LAMA3: variants seen among roughly 807,000 people sequenced by gnomAD.
LAMA3 encodes laminin subunit alpha 3, also known as laminin subunit alpha-3.
A neutral mutation model predicts 402.0 loss-of-function variants in LAMA3; 281 were observed. The observed-to-expected ratio is 0.70, with a 90% CI of 0.63 to 0.77. LAMA3 has a LOEUF of 0.77. Ranked by LOEUF, LAMA3 falls within the 30% of genes least tolerant of loss-of-function variation. The pLI, the probability that LAMA3 is intolerant of heterozygous loss-of-function variation, is 0.00. For missense variants in LAMA3, 3,840 were observed against 4,215.5 expected, an observed-to-expected ratio of 0.91 and a Z score of 2.47; for synonymous variants, 1,431 against 1,558.4, an observed-to-expected ratio of 0.92 and a Z score of 1.93.
rs1313533968 is a variant in LAMA3 at position 23,901,304 on chromosome 18, G to T, written c.6182G>T (p.Arg2061Ile). The change falls in exon 48 of 75, where the codon AGA becomes ATA. Residue 2061 changes from arginine to isoleucine, a missense_variant. Arg to Ile is a moderately conservative substitution (Grantham distance 97). This residue lies in a region of LAMA3 where 891 missense variants were observed against 857.5 expected (regional missense o/e 1.04). Transcript: ENST00000313654. ...QANGLNQENERALGAIQRQVK... is the reference protein window; with the variant it reads ...QANGLNQENEIALGAIQRQVK... ...AATGGCTTGAACCAAGAAAACGAGA[G>T]AGCTTTGGGAGCCATTCAGGTGAGT... The T allele has an allele frequency of 1.2e-6, 2 of 1,614,068 alleles. No individual in the cohort carries two copies. The highest frequency in any genetic ancestry group is 4.5e-5 in the East Asian group (2 of 44,888).
chr18:23,933,881 G>A lies in LAMA3; in HGVS notation c.8808G>A (p.Met2936Ile), dbSNP rs1318774306. The part of the protein sequence containing the change: ...GCSLNKPPFL[M>I]LLKGSTRFNK... ...GTTTAAACAAACCACCTTTTCTAAT[G>A]TTGCTTAAAGGTTCTACCAGGTTTA... is the stretch of plus-strand genomic sequence containing the variant. Residue 2936 changes from methionine (M) to isoleucine (I), a missense_variant, in exon 67 of 75, where the codon ATG becomes ATA. Met to Ile is a conservative substitution (Grantham distance 10, BLOSUM62 1). Transcript: ENST00000313654. 1 of 1,614,124 alleles carries A rather than the reference G, an allele frequency of 6.2e-7. No homozygotes were observed. Among genetic ancestry groups the A allele is most frequent in the African/African-American group, 1.3e-5 (1 of 75,052 alleles).
At chr18:23,701,315 G>A (rs1418113585) in intron 1 of LAMA3, among the ~76,000 whole-genome samples, 1 of 152,206 alleles carries the variant, frequency 6.6e-6, no homozygotes, top group Admixed American at 6.5e-5. Context: ...CATGAGTGGA[G>A]CTTTCTGGCC....
At chr18:23,765,483 A>C (rs1424843051) in intron 8 of LAMA3, among the ~76,000 whole-genome samples, 3 of 152,320 alleles carry the variant, frequency 2.0e-5, no homozygotes, top group Non-Finnish European at 4.4e-5. Context: ...AAGAAAAAAA[A>C]CCATTTTTTA....
In LAMA3 at chr18:23,901,059, G is replaced by C. The variant is rs2081052612; in HGVS notation, c.6005-68G>C. The C allele has an allele frequency of 3.7e-6, 5 of 1,362,282 alleles. No individual in the cohort carries two copies. In the South Asian group the frequency reaches 6.0e-5, roughly 16 times the overall value. 84.4% of individuals were successfully genotyped at this position (1,362,282 alleles called of 1,614,324 possible). ...TGAGTAGAAACTCGATTCTCCCTTTGTAGTTTTTATAACCCAGCTTCAGTA... is the reference window on the plus strand; with the variant it reads ...TGAGTAGAAACTCGATTCTCCCTTTCTAGTTTTTATAACCCAGCTTCAGTA... On this transcript the variant is annotated intron_variant, in intron 47 of 74. Coordinates refer to ENST00000313654, the MANE Select transcript of LAMA3 (RefSeq NM_198129.4).
rs77014757 is a variant in LAMA3 at position 23,947,486 on chromosome 18, G to A, written c.9351+1202G>A. 5.6e-3 allele frequency among the ~76,000 whole-genome samples: 847 copies of A among 152,270 alleles called. 11 individuals are homozygous for A. The highest frequency in any genetic ancestry group is 0.02 in the African/African-American group (812 of 41,542). ...GGGCCTAGAAATGGGCATAATGAAA[G>A]CAGGTCTCTCCACCAGCTTGGATGC... On this transcript the variant is annotated intron_variant, in intron 70 of 74. Transcript: ENST00000313654.
At chr18:23,899,757 C>T (rs2081005494) in intron 47 of LAMA3, 1 of 312,288 alleles carries the variant, frequency 3.2e-6, no homozygotes. Context: ...CACCTCTTTC[C>T]AGTTTTCTCA....
chr18:23,851,592 G>C (rs961701065), intron 32 of LAMA3, among the ~76,000 whole-genome samples: 1 of 152,174 alleles, frequency 6.6e-6, no homozygotes, highest in Non-Finnish European at 1.5e-5. Context: ...TAGCTGTTGT[G>C]GTTATTTGCC....
intron 62 of LAMA3, among the ~76,000 whole-genome samples, chr18:23,926,657 G>A (rs2082011103): frequency 6.6e-6 from 1 of 152,196 alleles, no homozygotes; most frequent in African/African-American, 2.4e-5. Context: ...AATGAAATCA[G>A]CTTTGGGTTT....
intron 8 of LAMA3, among the ~76,000 whole-genome samples, chr18:23,767,584 T>TC (rs1170244180): frequency 6.8e-6 from 1 of 148,112 alleles, no homozygotes; most frequent in African/African-American, 2.5e-5. Flanking sequence ...TTTTCTTTTT[T>TC]TTTTTTTTTT....
At position 23,904,457 on chromosome 18, in the gene LAMA3, A is replaced by C. The variant is rs1422365371; in HGVS notation, c.6474-96A>C. 3.1e-6 allele frequency: 4 copies of C among 1,310,966 alleles called. No homozygotes were observed. The East Asian group carries it at 1.0e-4, about 33-fold the overall frequency. 81.2% of individuals were successfully genotyped at this position (1,310,966 alleles called of 1,614,324 possible). A position where few individuals can be genotyped will look rare whatever the true frequency, so the allele number is the denominator to read the frequency against. On this transcript the variant is annotated intron_variant, in intron 50 of 74. Coordinates refer to ENST00000313654, the MANE Select transcript of LAMA3 (RefSeq NM_198129.4). ...TCCATTTCTTAAAAAAAAAAAAGAA[A>C]GAAAAAATAAAAAGAAGAAATGGAA...
chr18:23,876,339 G>A lies in LAMA3; in HGVS notation c.5044G>A (p.Gly1682Arg), dbSNP rs199975293. Residue 1682 changes from glycine to arginine, a missense_variant, in exon 39 of 75, where the codon GGA becomes AGA. Physicochemically the swap from Gly to Arg is moderately radical, Grantham distance 125 (BLOSUM62 -2). Coordinates refer to ENST00000313654, the MANE Select transcript of LAMA3 (RefSeq NM_198129.4). ...YYRDHKGLYT[G>R]RCVPCNCNGH... The stretch of plus-strand genomic sequence containing the variant: ...TCGGGATCATAAAGGCTTGTATACC[G>A]GACGGTGTGTTCCCTGCAATTGCAA... The A allele has an allele frequency of 2.7e-5, 44 of 1,613,936 alleles. No individual in the cohort carries two copies. The highest frequency in any genetic ancestry group is 3.3e-4 in the Middle Eastern group (2 of 6,084).
Position 23,761,815 on chromosome 18 carries a change from A to G in LAMA3, c.1064-1590A>G, listed in dbSNP as rs888726311. Among the ~76,000 whole-genome samples the G allele has an allele frequency of 2.0e-5, 3 of 152,388 alleles. No homozygotes were observed. The South Asian group carries it at 6.2e-4, about 32-fold the overall frequency. The stretch of plus-strand genomic sequence containing the variant: ...ATACAAAAGTTTTTGAATTAATACT[A>G]TTTAAATACATTAGTTGTTAAGGGA... On this transcript the variant is annotated intron_variant, in intron 7 of 74. Coordinates refer to ENST00000313654, the MANE Select transcript of LAMA3 (RefSeq NM_198129.4).
At position 23,904,034 on chromosome 18, in the gene LAMA3, G is replaced by T; in HGVS notation, c.6420G>T (p.Glu2140Asp). 6.2e-7 allele frequency: 1 copy of T among 1,614,164 alleles called. No individual in the cohort carries two copies. The highest frequency in any genetic ancestry group is 1.1e-5 in the South Asian group (1 of 91,076). Residue 2140 changes from glutamate (E) to aspartate (D), a missense_variant, in exon 50 of 75, where the codon GAG (glutamate) becomes GAT (aspartate). Coordinates refer to ENST00000313654, the MANE Select transcript of LAMA3 (RefSeq NM_198129.4). ...CTGCTGGCAAAACATCCCTTGTGGA[G>T]GAGGCAGAAAAGCACGCGCGGTCCT... ...SRSAGKTSLV[E>D]EAEKHARSLQ...
rs777762734 is a variant in LAMA3 at position 23,839,823 on chromosome 18, C to T, written c.3230C>T (p.Thr1077Ile). 1.4e-5 allele frequency: 22 copies of T among 1,614,082 alleles called. 1 individual carries two copies. The South Asian group carries it at 2.2e-4, about 16-fold the overall frequency. The change falls in exon 27 of 75, where the codon ACA becomes ATA. Residue 1077 changes from threonine to isoleucine, a missense_variant. Physicochemically the swap from Thr to Ile is moderately conservative, Grantham distance 89 (BLOSUM62 -1). Around this residue, in one of 3 missense-constraint regions of LAMA3, gnomAD observed 2,109 missense variants for 2,376.0 expected, o/e 0.89. Transcript: ENST00000313654. This position sits in a 1 kb window ranked among gnomAD's most constrained non-coding sequence, Gnocchi z 4.5. ...CVSLAHETPP[T>I]ALILDVLSGR... Reference sequence around the variant, plus strand: ...TCCTTGGCCCATGAAACTCCTCCAACAGCATTAATTTTGGATGTTCTAAGT... The same window carrying T: ...TCCTTGGCCCATGAAACTCCTCCAATAGCATTAATTTTGGATGTTCTAAGT...
chr18:23,942,150 AT>A (rs958915440), intron 68 of LAMA3, among the ~76,000 whole-genome samples: 1 of 152,180 alleles, frequency 6.6e-6, no homozygotes, highest in Non-Finnish European at 1.5e-5. Flanking sequence ...CTGCCTCCAA[AT>A]TTCCCATTTA....
Position 23,689,492 on chromosome 18 carries a change from G to T in LAMA3, c.-192G>T. 1 of 435,408 alleles carries T rather than the reference G, an allele frequency of 2.3e-6. No individual in the cohort carries two copies. The highest frequency in any genetic ancestry group is 1.2e-4 in the South Asian group (1 of 8,108). 27.0% of individuals were successfully genotyped at this position (435,408 alleles called of 1,614,324 possible). ...CTGGTGCCCGCTCCAGCCGCGGCAG[G>T]TTCCAGAGCTGAGAGGCCACCCCCA... On this transcript the variant is annotated 5_prime_UTR_variant, in exon 1 of 75. Coordinates refer to ENST00000313654, the MANE Select transcript of LAMA3 (RefSeq NM_198129.4).
intron 1 of LAMA3, chr18:23,709,777 C>A (rs893134972): frequency 1.7e-6 from 1 of 594,002 alleles, no homozygotes; most frequent in Admixed American, 2.0e-5. Context: ...TCTTTTCTTT[C>A]TTTCTTTCTT....
chr18:23,907,986 T>C (rs757765351), intron 54 of LAMA3, 51 bp downstream of exon 54: 10 of 1,574,400 alleles, frequency 6.4e-6, no homozygotes, highest in Non-Finnish European at 7.9e-6. Flanking sequence ...TCCATTGTTA[T>C]GTGTTTTGGT....
At chr18:23,696,662 G>A (rs191894299) in intron 1 of LAMA3, among the ~76,000 whole-genome samples, 25 of 152,186 alleles carry the variant, frequency 1.6e-4, no homozygotes, top group Non-Finnish European at 2.5e-4. Context: ...GAACACGCCC[G>A]GCTAATTTTT....
Sources: allele counts gnomAD v4.1 joint callset (sites outside exome capture counted in the v4.1 genomes callset), GRCh38; gene constraint gnomAD v4.1.1; regional missense constraint gnomAD v4.1.1; non-coding constraint Gnocchi (gnomAD v3.1); transcripts MANE v1.5; gene names NCBI Gene and HGNC (gene_info 2026-07-23, HGNC 2026-07-21).